Variants in ZNF175 observed in about 807,000 individuals in gnomAD.
ZNF175 encodes zinc finger protein OTK18.
Under a neutral mutation model 14.0 loss-of-function variants are expected in ZNF175, and 8 were observed. The observed-to-expected ratio is 0.57, with a 90% confidence interval of 0.34 to 1.03. The LOEUF (loss-of-function observed/expected upper bound fraction) is 1.03, where lower values mean the gene tolerates loss of function less well. Among genes scored for constraint, ZNF175 ranks in the 50% least tolerant of loss-of-function variants. The probability of loss-of-function intolerance (pLI) is 0.03; values close to 1 mark genes in which losing one functional copy is unlikely to be tolerated. For missense variants in ZNF175, 764 were observed against 849.5 expected (o/e 0.90, Z 1.25); for synonymous variants, 255 against 296.8 (o/e 0.86, Z 1.45).
Position 51,586,985 on chromosome 19 carries a change from T to A in ZNF175, c.654T>A (p.Asn218Lys). The A allele has an allele frequency of 6.2e-7, 1 of 1,614,192 alleles. No individual in the cohort carries two copies. The highest frequency in any genetic ancestry group is 8.5e-7 in the Non-Finnish European group (1 of 1,180,034). The change falls in exon 5 of 5, where the codon AAT (asparagine) becomes AAA (lysine). Residue 218 changes from asparagine (N) to lysine (K), a missense_variant. By Grantham distance (94) the Asn-to-Lys change is moderately conservative. Transcript: ENST00000262259. The part of the protein sequence containing the change: ...NLEVNGQNES[N>K]DTEQLDDVVG... ...AAGTGAACGGTCAGAATGAAAGCAATGACACAGAACAGCTTGATGACGTTG... is the reference window on the plus strand; with the variant it reads ...AAGTGAACGGTCAGAATGAAAGCAAAGACACAGAACAGCTTGATGACGTTG...
chr19:51,583,702 C>T (rs1243430861), intron 4 of ZNF175, among the ~76,000 whole-genome samples: 1 of 152,126 alleles, frequency 6.6e-6, no homozygotes, highest in Non-Finnish European at 1.5e-5. Context: ...AGTTCTATTT[C>T]CTACTGTGTA....
At chr19:51,575,746 T>C (rs959310892) in intron 2 of ZNF175, among the ~76,000 whole-genome samples, 1 of 152,220 alleles carries the variant, frequency 6.6e-6, no homozygotes, top group Non-Finnish European at 1.5e-5. Context: ...CATGCTTATA[T>C]TGCTGCCTCT....
intron 2 of ZNF175, among the ~76,000 whole-genome samples, chr19:51,579,838 T>C (rs1019388053): frequency 2.6e-5 from 4 of 152,142 alleles, no homozygotes; most frequent in Non-Finnish European, 5.9e-5. Flanking sequence ...CATGTAGCTA[T>C]TGAGCACTTG....
At position 51,578,476 on chromosome 19, in the gene ZNF175, C is replaced by T. The variant is rs544522772; in HGVS notation, c.73-2915C>T. On this transcript the variant is annotated intron_variant, in intron 2 of 4. Transcript: ENST00000262259. ...CAGCTGACAAAAGGTTCCTATAAAA[C>T]GTTGAGGACGGCTGGGCGTGGTGGC... is the stretch of plus-strand genomic sequence containing the variant. 1.9e-4 allele frequency among the ~76,000 whole-genome samples: 29 copies of T among 151,900 alleles called. 1 individual carries two copies. Among genetic ancestry groups the T allele is most frequent in the South Asian group, 8.3e-4 (4 of 4,806 alleles).
At position 51,587,452 on chromosome 19, in the gene ZNF175, A is replaced by G. The variant is rs1265474003; in HGVS notation, c.1121A>G (p.Gln374Arg). ...CATGACTGTGGAAAAGCCTTTTTCC[A>G]GATGTTATCTCTCTTCAGACATCAG... The part of the protein sequence containing the change: ...KCHDCGKAFF[Q>R]MLSLFRHQRT... The change falls in exon 5 of 5, where the codon CAG (glutamine) becomes CGG (arginine). Residue 374 changes from glutamine (Q) to arginine (R), a missense_variant. Physicochemically the swap from Gln to Arg is conservative, Grantham distance 43 (BLOSUM62 1). Transcript: ENST00000262259. 1.9e-6 allele frequency: 3 copies of G among 1,614,134 alleles called. No homozygotes were observed. The highest frequency in any genetic ancestry group is 2.7e-5 in the African/African-American group (2 of 74,948).
chr19:51,573,722 T>G (rs1568572136), intron 2 of ZNF175: 5 of 402,630 alleles, frequency 1.2e-5, no homozygotes, highest in African/African-American at 4.1e-5. Context: ...CATCCACCAC[T>G]GGGTCTTTGA....
intron 2 of ZNF175, among the ~76,000 whole-genome samples, chr19:51,576,243 G>C (rs1981785448): frequency 6.6e-6 from 1 of 150,424 alleles, no homozygotes. Flanking sequence ...CTCTCCTCCT[G>C]GGTTCAAGCC....
chr19:51,579,251 CAAAAAAAA>C (rs34198978), intron 2 of ZNF175, among the ~76,000 whole-genome samples: 14 of 58,100 alleles, frequency 2.4e-4, no homozygotes, highest in Non-Finnish European at 3.9e-4. Flanking sequence ...GACTCCATCT[CAAAAAAAA>C]AAAAAAAAAA....
chr19:51,589,648 A>G lies in ZNF175; in HGVS notation c.*1181A>G, dbSNP rs920083609. ...GTCTCGTTCATATTTTTACACCAGG[A>G]GTCAACAAACTGTGGCCATTGGCCA... On this transcript the variant is annotated 3_prime_UTR_variant, in exon 5 of 5. Coordinates refer to ENST00000262259, the MANE Select transcript of ZNF175 (RefSeq NM_007147.4). 3 of 690,526 alleles carry G rather than the reference A, an allele frequency of 4.3e-6. No homozygotes were observed. The highest frequency in any genetic ancestry group is 3.5e-5 in the African/African-American group (2 of 56,792). 42.8% of individuals were successfully genotyped at this position (690,526 alleles called of 1,614,324 possible).
rs201146178 is a variant in ZNF175 at position 51,581,173 on chromosome 19, G to GA, written c.73-207dup. 5.6e-3 allele frequency among the ~76,000 whole-genome samples: 809 copies of GA among 143,458 alleles called. 8 individuals are homozygous for GA. Among genetic ancestry groups the GA allele is most frequent in the African/African-American group, 0.017 (653 of 39,196 alleles). The allele number at this position is 143,458 out of a possible 152,430, so 94.1% of individuals were successfully genotyped here. ...GGAACCCATTTCTGGCCTCATTTTT[G>GA]AAAAAAAAAAATGAATGAATGAATG... is the stretch of plus-strand genomic sequence containing the variant. On this transcript the variant is annotated intron_variant, in intron 2 of 4. Transcript: ENST00000262259.
chr19:51,575,345 T>A (rs1981744967), intron 2 of ZNF175, among the ~76,000 whole-genome samples: 1 of 150,032 alleles, frequency 6.7e-6, no homozygotes, highest in Admixed American at 6.7e-5. Context: ...GCCTCCTGAA[T>A]AGCTGGGAGT....
At chr19:51,576,820 G>A (rs1158060529) in intron 2 of ZNF175, among the ~76,000 whole-genome samples, 1 of 151,918 alleles carries the variant, frequency 6.6e-6, no homozygotes, top group African/African-American at 2.4e-5. Context: ...TCTCTTCCAC[G>A]GTTTACCGTT....
chr19:51,584,867 C>G (rs1304084197), intron 4 of ZNF175, among the ~76,000 whole-genome samples: 1 of 152,020 alleles, frequency 6.6e-6, no homozygotes, highest in African/African-American at 2.4e-5. Context: ...AACTGGAATC[C>G]TTGTGTATTA....
Position 51,590,821 on chromosome 19 carries a change from G to C in ZNF175, c.*2354G>C, listed in dbSNP as rs896007871. The C allele has an allele frequency of 2.0e-5, 3 of 152,448 alleles. No individual in the cohort carries two copies. The highest frequency in any genetic ancestry group is 4.4e-5 in the Non-Finnish European group (3 of 68,212). 9.4% of individuals were successfully genotyped at this position (152,448 alleles called of 1,614,324 possible). On this transcript the variant is annotated 3_prime_UTR_variant, in exon 5 of 5. Transcript: ENST00000262259. ...TGCAGAGGCCTCTCCATGGTGGTGA[G>C]GGGTGGAAATAGTGTGCACCTGGGT...
At chr19:51,581,326 A>C in intron 2 of ZNF175, 65 bp from the exon 3 acceptor site, 1 of 1,612,636 alleles carries the variant, frequency 6.2e-7, no homozygotes, top group South Asian at 1.1e-5. Flanking sequence ...TGTTCCTCCT[A>C]TATGTGCCAT....
chr19:51,586,829 A>T lies in ZNF175; in HGVS notation c.498A>T (p.Thr166=). 6.2e-7 allele frequency: 1 copy of T among 1,614,196 alleles called. No homozygotes were observed. The highest frequency in any genetic ancestry group is 1.1e-5 in the South Asian group (1 of 91,082). ...ACAGTGCTTTCTTCAACAAGAAAACATTGAACACAGAAAGCAATTGTGAAT... is the reference window on the plus strand; with the variant it reads ...ACAGTGCTTTCTTCAACAAGAAAACTTTGAACACAGAAAGCAATTGTGAAT... ...MSHSAFFNKK[T]LNTESNCEYK... The change falls in exon 5 of 5, where the codon ACA becomes ACT. Residue 166 remains threonine (T), a synonymous_variant. Transcript: ENST00000262259.
intron 4 of ZNF175, among the ~76,000 whole-genome samples, chr19:51,582,629 A>C (rs760883019): frequency 6.6e-6 from 1 of 151,984 alleles, no homozygotes; most frequent in South Asian, 2.1e-4. Flanking sequence ...TTTTCTAATA[A>C]CTGAATGGTG....
intron 1 of ZNF175, among the ~76,000 whole-genome samples, chr19:51,572,390 A>G (rs1459342251): frequency 2.0e-5 from 3 of 152,186 alleles, no homozygotes; most frequent in African/African-American, 4.8e-5. Flanking sequence ...GCCCTGATGC[A>G]TGTCTGCAAA....
rs977510439 is a variant in ZNF175 at position 51,581,991 on chromosome 19, C to T, written c.295+109C>T. ...CCCCCAGTGATGGCCCGTAGATTGC[C>T]TCCTACTCCCAGTTTCCCATCAAAC... On this transcript the variant is annotated intron_variant, in intron 4 of 4. Transcript: ENST00000262259. The T allele has an allele frequency of 5.9e-5, 57 of 965,884 alleles. No homozygotes were observed. The Middle Eastern group carries it at 8.5e-4, about 14-fold the overall frequency. The allele number at this position is 965,884 out of a possible 1,614,324, so 59.8% of individuals were successfully genotyped here. A position where few individuals can be genotyped will look rare whatever the true frequency, so the allele number is the denominator to read the frequency against.
Sources: gnomAD v4.1 joint callset for allele counts (sites outside exome capture counted in the v4.1 genomes callset) on GRCh38, gnomAD v4.1.1 for gene constraint, MANE v1.5 for transcripts, NCBI Gene and HGNC (gene_info 2026-07-23, HGNC 2026-07-21) for gene names.